The following PCDH11X variants were observed in gnomAD, a reference collection of about 807,000 sequenced individuals.
PCDH11X encodes the protein protocadherin-11 X-linked.
PCDH11X carries 18 observed loss-of-function variants against 53.3 expected under a neutral mutation model. That is an observed-to-expected ratio of 0.34 (90% CI 0.23 to 0.50). The LOEUF (loss-of-function observed/expected upper bound fraction) is 0.50, where lower values mean the gene tolerates loss of function less well. Ranked by LOEUF, PCDH11X falls within the 20% of genes least tolerant of loss-of-function variation. The pLI, the probability that PCDH11X is intolerant of heterozygous loss-of-function variation, is 0.98. For missense variants in PCDH11X, 570 were observed against 1,032.4 expected (o/e 0.55, Z 6.14); for synonymous variants, 279 against 393.3 (o/e 0.71, Z 3.44).
chrX:92,103,042 T>C (rs1182349118), intron 6 of PCDH11X, among the ~76,000 whole-genome samples: 2 of 110,024 alleles, frequency 1.8e-5, no homozygotes, highest in Non-Finnish European at 3.8e-5. Context: ...GTAATGGGCA[T>C]GTGATCAGTT....
intron 8 of PCDH11X, among the ~76,000 whole-genome samples, chrX:92,309,638 G>A (rs2068905329): frequency 9.0e-6 from 1 of 111,595 alleles, no homozygotes; most frequent in Non-Finnish European, 1.9e-5. Context: ...ACTTAAAATG[G>A]GTTAAAATTG....
intron 8 of PCDH11X, among the ~76,000 whole-genome samples, chrX:92,264,897 T>G (rs1030195425): frequency 1.8e-4 from 19 of 107,117 alleles, no homozygotes; most frequent in Admixed American, 1.7e-3. Flanking sequence ...TTTTTTTTTT[T>G]GTCAAATAAA....
chrX:92,004,249 G>C (rs2062559047), intron 6 of PCDH11X, among the ~76,000 whole-genome samples: 1 of 111,797 alleles, frequency 8.9e-6, no homozygotes, highest in Non-Finnish European at 1.9e-5. Context: ...GAAAATGCCA[G>C]ATATTATTTT....
At chrX:92,150,948 G>T (rs971355412) in intron 6 of PCDH11X, among the ~76,000 whole-genome samples, 1 of 110,574 alleles carries the variant, frequency 9.0e-6, no homozygotes, top group East Asian at 2.8e-4. Context: ...CATGTAAACC[G>T]TTATACTTCT....
chrX:92,597,713 T>G (rs1217114413), intron 10 of PCDH11X, among the ~76,000 whole-genome samples: 1 of 111,663 alleles, frequency 9.0e-6, no homozygotes, highest in Admixed American at 9.5e-5. Context: ...AGACCCAGAA[T>G]AGCCACAGTT....
intron 6 of PCDH11X, among the ~76,000 whole-genome samples, chrX:92,135,735 G>A (rs1269243851): frequency 3.9e-5 from 4 of 101,542 alleles, no homozygotes; most frequent in African/African-American, 1.5e-4. Context: ...TGATCATTAT[G>A]TACATAGATG....
intron 10 of PCDH11X, among the ~76,000 whole-genome samples, chrX:92,569,485 A>G (rs1342417069): frequency 9.1e-6 from 1 of 109,318 alleles, no homozygotes; most frequent in Non-Finnish European, 1.9e-5. Context: ...TACTAAACAT[A>G]TAGAAAACAT....
intron 6 of PCDH11X, among the ~76,000 whole-genome samples, chrX:91,907,782 C>T (rs1425949671): frequency 9.1e-6 from 1 of 109,885 alleles, no homozygotes; most frequent in Non-Finnish European, 1.9e-5. Context: ...CTCCCTCTTC[C>T]CACCCTCCAC....
chrX:91,842,657 G>A (rs1422675228), intron 5 of PCDH11X, among the ~76,000 whole-genome samples: 2 of 108,437 alleles, frequency 1.8e-5, no homozygotes, highest in African/African-American at 6.9e-5. Flanking sequence ...AGAGTATTTA[G>A]TGGTAGCATG....
At chrX:92,426,893 C>A (rs1275939233) in intron 9 of PCDH11X, among the ~76,000 whole-genome samples, 4 of 110,540 alleles carry the variant, frequency 3.6e-5, no homozygotes, top group Admixed American at 9.7e-5. Context: ...CCAAGGTAGC[C>A]CAACTAATTT....
chrX:92,312,050 T>C (rs2068962904), intron 8 of PCDH11X, among the ~76,000 whole-genome samples: 1 of 111,548 alleles, frequency 9.0e-6, no homozygotes, highest in Admixed American at 9.6e-5. Flanking sequence ...TAAATAAGCA[T>C]TGTTAGATAC....
At chrX:92,542,193 C>A (rs774639829) in intron 10 of PCDH11X, among the ~76,000 whole-genome samples, 1 of 111,621 alleles carries the variant, frequency 9.0e-6, no homozygotes, top group Non-Finnish European at 1.9e-5. Flanking sequence ...AAATTCAACA[C>A]CTATTCCACT....
chrX:92,594,756 A>G (rs1458415954), intron 10 of PCDH11X, among the ~76,000 whole-genome samples: 2 of 108,394 alleles, frequency 1.8e-5, no homozygotes, highest in East Asian at 5.8e-4. Flanking sequence ...GTGTATGAAT[A>G]TCAAGCAGAA....
At chrX:92,521,029 C>T (rs2148716116) in intron 10 of PCDH11X, among the ~76,000 whole-genome samples, 1 of 111,180 alleles carries the variant, frequency 9.0e-6, no homozygotes, top group Admixed American at 9.6e-5. Flanking sequence ...AGTCTTGAAC[C>T]TCTCAAAATT....
intron 4 of PCDH11X, among the ~76,000 whole-genome samples, chrX:91,828,944 A>G (rs2563710): frequency 0.11 from 11,522 of 109,420 alleles, 1,870 homozygotes; most frequent in African/African-American, 0.38. Flanking sequence ...CCAAGATTCT[A>G]GTGCTATATC....
At position 92,302,675 on chromosome X, in the gene PCDH11X, C is replaced by A. The variant is rs751349156; in HGVS notation, c.3144+39532C>A. ...CACACTGGGAAATTTTAAAATTATC[C>A]TTTAAGAAATGCAGCACCCATGTAC... On this transcript the variant is annotated intron_variant, in intron 8 of 10. Coordinates refer to ENST00000682573, the MANE Select transcript of PCDH11X (RefSeq NM_032968.5). Among the ~76,000 whole-genome samples the A allele has an allele frequency of 8.3e-5, 9 of 108,270 alleles. No homozygotes were observed. The South Asian group carries it at 3.7e-3, about 44-fold the overall frequency. The allele number at this position is 108,270 out of a possible 115,157, so 94.0% of individuals were successfully genotyped here.
At chrX:92,385,950 A>G (rs1222936603) in intron 8 of PCDH11X, among the ~76,000 whole-genome samples, 1 of 111,774 alleles carries the variant, frequency 8.9e-6, no homozygotes, top group Non-Finnish European at 1.9e-5. Context: ...GCTAAGAGTT[A>G]CCTTAACCAA....
At chrX:92,251,959 C>T (rs1038675371) in intron 7 of PCDH11X, among the ~76,000 whole-genome samples, 1 of 110,443 alleles carries the variant, frequency 9.1e-6, no homozygotes, top group African/African-American at 3.3e-5. Flanking sequence ...CAAATTTAGC[C>T]AAAAAATAAT....
intron 8 of PCDH11X, among the ~76,000 whole-genome samples, chrX:92,293,543 G>A (rs2068540363): frequency 9.4e-6 from 1 of 106,198 alleles, no homozygotes; most frequent in South Asian, 4.3e-4. Context: ...AGAATGGAGT[G>A]AACCAGGAGG....
Sources: gnomAD v4.1 joint callset for allele counts (sites outside exome capture counted in the v4.1 genomes callset) on GRCh38, gnomAD v4.1.1 for gene constraint, MANE v1.5 for transcripts, NCBI Gene and HGNC (gene_info 2026-07-23, HGNC 2026-07-21) for gene names.